Variants in MGME1 observed in about 807,000 individuals in gnomAD.
The protein encoded by MGME1 is mitochondrial genome maintenance exonuclease 1.
MGME1 carries 22 observed loss-of-function variants against 33.0 expected under a neutral mutation model. The observed-to-expected ratio is 0.67, with a 90% CI of 0.48 to 0.95. The LOEUF (loss-of-function observed/expected upper bound fraction) is 0.95. Among genes scored for constraint, MGME1 ranks in the 40% least tolerant of loss-of-function variants. The pLI is 0.00. For synonymous variants in MGME1, 133 were observed against 144.0 expected, an observed-to-expected ratio of 0.92 and a Z score of 0.55; for missense variants, 383 against 397.8, an observed-to-expected ratio of 0.96 and a Z score of 0.32.
chr20:17,989,683 C>CTT (rs1449664267), intron 4 of MGME1, among the ~76,000 whole-genome samples: 1 of 149,190 alleles, frequency 6.7e-6, no homozygotes, highest in Non-Finnish European at 1.5e-5. Flanking sequence ...AAAAAAAGCA[C>CTT]TTTTCCACCC....
chr20:17,978,010 A>ATT (rs2035911296), intron 3 of MGME1, among the ~76,000 whole-genome samples: 2 of 152,246 alleles, frequency 1.3e-5, no homozygotes, highest in African/African-American at 4.8e-5. Context: ...AAGCTTGTCT[A>ATT]TTCCACAGCC....
In MGME1 at chr20:17,972,144, A is replaced by AT. The variant is rs879701913; in HGVS notation, c.511+1776dup. Among the ~76,000 whole-genome samples the AT allele has an allele frequency of 3.3e-5, 5 of 152,216 alleles. 1 individual carries two copies. The highest frequency in any genetic ancestry group is 3.3e-4 in the Admixed American group (5 of 15,282). The stretch of plus-strand genomic sequence containing the variant: ...AAAAGAAAAAGGGCTCACTAAATTG[A>AT]TTAACGGGTCTGGAGGATACTGGAT... On this transcript the variant is annotated intron_variant, in intron 2 of 4. Transcript: ENST00000377710.
chr20:17,985,285 T>C (rs1379114925), intron 3 of MGME1, among the ~76,000 whole-genome samples: 2 of 152,032 alleles, frequency 1.3e-5, no homozygotes, highest in African/African-American at 4.8e-5. Flanking sequence ...TAGCCAAGCG[T>C]GGTGGTGCAT....
chr20:17,980,456 A>G (rs1367290671), intron 3 of MGME1, among the ~76,000 whole-genome samples: 1 of 152,042 alleles, frequency 6.6e-6, no homozygotes, highest in East Asian at 1.9e-4. Flanking sequence ...ATTTGTCCCC[A>G]CACTCATTTT....
Position 17,989,956 on chromosome 20 carries a change from TGTG to T in MGME1, c.887_889del (p.Val296del), listed in dbSNP as rs1218931018. 2 of 1,614,110 alleles carry T rather than the reference TGTG, an allele frequency of 1.2e-6. No homozygotes were observed. Among genetic ancestry groups the T allele is most frequent in the Non-Finnish European group, 1.7e-6 (2 of 1,180,026 alleles). ...CTTCCTAGGTTCAATGTGGCTTAAT[TGTG>T]GTGGCCTACAAAGATGGATCACCTG... On this transcript the variant is annotated inframe_deletion, in exon 5 of 5. Coordinates refer to ENST00000377710, the MANE Select transcript of MGME1 (RefSeq NM_052865.4).
At chr20:17,978,666 T>C (rs2035928590) in intron 3 of MGME1, among the ~76,000 whole-genome samples, 1 of 152,212 alleles carries the variant, frequency 6.6e-6, no homozygotes, top group Non-Finnish European at 1.5e-5. Flanking sequence ...CCAATGCTTG[T>C]CATAGAGATG....
At chr20:17,988,435 A>G in intron 4 of MGME1, 137 bp downstream of exon 4, 1 of 842,108 alleles carries the variant, frequency 1.2e-6, no homozygotes, top group Non-Finnish European at 1.8e-6. Context: ...TGAGGTCAGG[A>G]GTTCAAGACC....
intron 4 of MGME1, 70 bp downstream of exon 4, chr20:17,988,368 G>A (rs953642563): frequency 2.9e-5 from 45 of 1,533,608 alleles, no homozygotes; most frequent in Middle Eastern, 3.6e-4. Flanking sequence ...CGGGCCGGGC[G>A]CAGTGGCTCA....
intron 3 of MGME1, among the ~76,000 whole-genome samples, chr20:17,981,599 C>CA (rs1194608596): frequency 1.8e-4 from 28 of 151,874 alleles, no homozygotes; most frequent in Non-Finnish European, 4.0e-4. Flanking sequence ...CCTCAGCCTC[C>CA]CAAAGTGCTG....
At chr20:17,974,479 C>T (rs76124342) in intron 2 of MGME1, among the ~76,000 whole-genome samples, 15,802 of 152,140 alleles carry the variant, frequency 0.1, 879 homozygotes, top group Non-Finnish European at 0.12. Context: ...TCCTGGGATA[C>T]GCCAACAAAT....
At chr20:17,980,082 A>G (rs909525496) in intron 3 of MGME1, among the ~76,000 whole-genome samples, 2 of 151,988 alleles carry the variant, frequency 1.3e-5, no homozygotes, top group African/African-American at 2.4e-5. Flanking sequence ...CTGGAGTACA[A>G]TGGCGAGATC....
At position 17,990,684 on chromosome 20, in the gene MGME1, A is replaced by C. The variant is rs909564140; in HGVS notation, c.*575A>C. On this transcript the variant is annotated 3_prime_UTR_variant, in exon 5 of 5. Transcript: ENST00000377710. ...AAAAATAAATACGTGATTAGCCTCA[A>C]CTAAACATTGCTGACTATAAAGACA... 2 of 153,778 alleles carry C rather than the reference A, an allele frequency of 1.3e-5. No homozygotes were observed. Among genetic ancestry groups the C allele is most frequent in the Non-Finnish European group, 2.9e-5 (2 of 69,186 alleles). 9.5% of individuals were successfully genotyped at this position (153,778 alleles called of 1,614,324 possible).
chr20:17,989,388 CAAAT>C (rs58644150), intron 4 of MGME1, among the ~76,000 whole-genome samples: 52 of 142,468 alleles, frequency 3.6e-4, no homozygotes, highest in African/African-American at 7.0e-4. Flanking sequence ...TGTCTCTCTC[CAAAT>C]AAATAAATAA....
chr20:17,981,611 G>A (rs977512017), intron 3 of MGME1, among the ~76,000 whole-genome samples: 4 of 151,834 alleles, frequency 2.6e-5, no homozygotes, highest in African/African-American at 9.7e-5. Flanking sequence ...AAAGTGCTGG[G>A]ATTACAGGCG....
intron 3 of MGME1, 125 bp downstream of exon 3, chr20:17,976,028 T>C (rs769052389): frequency 5.2e-6 from 4 of 765,980 alleles, no homozygotes; most frequent in African/African-American, 1.7e-5. Flanking sequence ...GTAAAAGAAT[T>C]GGGTGGGGCG....
chr20:17,969,096 GGTT>G lies in MGME1; in HGVS notation c.-101_-99del, dbSNP rs2122465162. 1 of 152,572 alleles carries G rather than the reference GGTT, an allele frequency of 6.6e-6. No individual in the cohort carries two copies. Among genetic ancestry groups the G allele is most frequent in the East Asian group, 1.9e-4 (1 of 5,182 alleles). The allele number at this position is 152,572 out of a possible 1,614,324, so 9.5% of individuals were successfully genotyped here. A position where few individuals can be genotyped will look rare whatever the true frequency, so the allele number is the denominator to read the frequency against. On this transcript the variant is annotated 5_prime_UTR_variant, in exon 1 of 5. Transcript: ENST00000377710. ...ACGGATGAAAGTACGGGTCGCGAGA[GGTT>G]GTTCGCGCCTTGAGAGTTAAGCGAA...
chr20:17,968,875 G>A (rs1013800646), upstream of MGME1: 6 of 163,752 alleles, frequency 3.7e-5, no homozygotes, highest in Middle Eastern at 5.7e-3. Context: ...CAGATCTCGT[G>A]AGAGCAGAAG....
At chr20:17,981,206 G>A (rs903219650) in intron 3 of MGME1, among the ~76,000 whole-genome samples, 4 of 152,116 alleles carry the variant, frequency 2.6e-5, no homozygotes, top group African/African-American at 9.7e-5. Flanking sequence ...TGCATAGGCA[G>A]CACTTATGTA....
intron 3 of MGME1, among the ~76,000 whole-genome samples, chr20:17,987,294 ATC>A (rs2036178810): frequency 6.6e-6 from 1 of 152,186 alleles, no homozygotes; most frequent in African/African-American, 2.4e-5. Flanking sequence ...CAATAAAATT[ATC>A]TCTAAACCTA....
Sources: gnomAD v4.1 joint callset for allele counts (sites outside exome capture counted in the v4.1 genomes callset) on GRCh38, gnomAD v4.1.1 for gene constraint, MANE v1.5 for transcripts, NCBI Gene and HGNC (gene_info 2026-07-23, HGNC 2026-07-21) for gene names.